The following ZAP70 variants were observed in gnomAD, a reference collection of about 807,000 sequenced individuals.
ZAP70 encodes the protein tyrosine-protein kinase ZAP-70.
In ZAP70, 27 loss-of-function variants were observed where a neutral mutation model predicts 65.8. The observed-to-expected ratio is 0.41, with a 90% confidence interval of 0.30 to 0.57. The LOEUF (loss-of-function observed/expected upper bound fraction) is 0.57. Ranked by LOEUF, ZAP70 falls within the 20% of genes least tolerant of loss-of-function variation. The probability of loss-of-function intolerance (pLI) is 0.28; values close to 1 mark genes in which losing one functional copy is unlikely to be tolerated. For missense variants in ZAP70, 696 were observed against 870.5 expected (o/e 0.80, Z 2.52); for synonymous variants, 363 against 360.8 (o/e 1.01, Z -0.07).
In ZAP70 at chr2:97,724,267, C is replaced by A; in HGVS notation, c.231C>A (p.His77Gln). Residue 77 changes from histidine to glutamine, a missense_variant, in exon 3 of 14, where the codon CAC (histidine) becomes CAA (glutamine). Physicochemically the swap from His to Gln is conservative, Grantham distance 24. This residue lies in a region of ZAP70 where 551 missense variants were observed against 630.0 expected (regional missense o/e 0.87). Transcript: ENST00000264972. ...ACGCCATTGCCGGCGGCAAAGCGCACTGTGGACCGGCAGAGCTCTGCGAGT... is the reference window on the plus strand; with the variant it reads ...ACGCCATTGCCGGCGGCAAAGCGCAATGTGGACCGGCAGAGCTCTGCGAGT... ...GTYAIAGGKAHCGPAELCEFY... is the reference protein window; with the variant it reads ...GTYAIAGGKAQCGPAELCEFY... 1 of 1,604,696 alleles carries A rather than the reference C, an allele frequency of 6.2e-7. No homozygotes were observed.
At chr2:97,755,739 C>T in the ZAP70 span, among the ~76,000 whole-genome samples, 17 of 152,244 alleles carry the variant, frequency 1.1e-4, no homozygotes, top group African/African-American at 4.1e-4. Flanking sequence ...CCCCTGCTGT[C>T]TTCCCTCTGT....
rs148511485 is a variant in ZAP70 at position 97,736,995 on chromosome 2, G to A, written c.1290-478G>A. 8.3e-4 allele frequency among the ~76,000 whole-genome samples: 127 copies of A among 152,218 alleles called. No homozygotes were observed. Among genetic ancestry groups the A allele is most frequent in the Admixed American group, 1.4e-3 (21 of 15,292 alleles). ...TGGGGGTCCAGGTGAGTGATGCTGC[G>A]GCTGCTTCCCGGTGGCAGAGGCAGA... On this transcript the variant is annotated intron_variant, in intron 10 of 13. Coordinates refer to ENST00000264972, the MANE Select transcript of ZAP70 (RefSeq NM_001079.4). The surrounding 1 kb of genome is among the most constrained non-coding windows in gnomAD (Gnocchi z 4.0).
intron 2 of ZAP70, 36 bp from the exon 3 acceptor site, chr2:97,723,980 G>A (rs898819799): frequency 6.5e-7 from 1 of 1,533,968 alleles, no homozygotes; most frequent in African/African-American, 1.4e-5. Context: ...GTTCAGGAAG[G>A]CCCTGACGTG....
intron 13 of ZAP70, chr2:97,738,372 A>C: frequency 5.6e-6 from 3 of 532,576 alleles, no homozygotes; most frequent in East Asian, 3.3e-5. Context: ...CACTCAACAC[A>C]TGGACCCTGC....
chr2:97,747,815 G>GGTTTT, the ZAP70 span, among the ~76,000 whole-genome samples: 1 of 54,792 alleles, frequency 1.8e-5, no homozygotes, highest in African/African-American at 8.8e-5. Context: ...CTGGCACGAG[G>GGTTTT]TTTTTTTTTT....
chr2:97,731,049 G>T lies in ZAP70; in HGVS notation c.564-1834G>T, dbSNP rs184655355. 6.9e-6 allele frequency among the ~76,000 whole-genome samples: 1 copy of T among 144,512 alleles called. No homozygotes were observed. The highest frequency in any genetic ancestry group is 1.5e-5 in the Non-Finnish European group (1 of 66,262). The allele number at this position is 144,512 out of a possible 152,430, so 94.8% of individuals were successfully genotyped here. A position where few individuals can be genotyped will look rare whatever the true frequency, so the allele number is the denominator to read the frequency against. On this transcript the variant is annotated intron_variant, in intron 4 of 13. Coordinates refer to ENST00000264972, the MANE Select transcript of ZAP70 (RefSeq NM_001079.4). The surrounding 1 kb of genome is among the most constrained non-coding windows in gnomAD (Gnocchi z 4.0). ...CAGCCCGGGCTGTGGAGCGAGACTC[G>T]GTCTCAAAAAAAAAAAAAAAAAAAA... is the stretch of plus-strand genomic sequence containing the variant.
intron 3 of ZAP70, chr2:97,724,818 C>T: frequency 6.6e-7 from 1 of 1,514,118 alleles, no homozygotes; most frequent in Non-Finnish European, 8.8e-7. Context: ...TCGTCCACAG[C>T]CTGAGTGACA....
the ZAP70 span, among the ~76,000 whole-genome samples, chr2:97,751,166 T>C: frequency 6.6e-6 from 1 of 152,350 alleles, no homozygotes; most frequent in African/African-American, 2.4e-5. Flanking sequence ...AAGCCTGACA[T>C]GGGCTAATAA....
chr2:97,751,358 T>C, the ZAP70 span, among the ~76,000 whole-genome samples: 1 of 152,162 alleles, frequency 6.6e-6, no homozygotes, highest in Non-Finnish European at 1.5e-5. Flanking sequence ...AATGTAATCA[T>C]GTAGAATCTA....
chr2:97,724,694 C>T lies in ZAP70; in HGVS notation c.402+256C>T, dbSNP rs1158450516. On this transcript the variant is annotated intron_variant, in intron 3 of 13. Coordinates refer to ENST00000264972, the MANE Select transcript of ZAP70 (RefSeq NM_001079.4). ...TATGCCAGATGGGAAGGTAGAGGGA[C>T]GCACTGGGCCGGGCGAAGGCGAGGC... 1.3e-6 allele frequency: 2 copies of T among 1,519,300 alleles called. 1 individual carries two copies. The highest frequency in any genetic ancestry group is 2.4e-5 in the South Asian group (2 of 83,060). 94.1% of individuals were successfully genotyped at this position (1,519,300 alleles called of 1,614,324 possible).
At position 97,739,366 on chromosome 2, in the gene ZAP70, G is replaced by C; in HGVS notation, c.1737-9G>C. Reference sequence around the variant, plus strand: ...GGTCAGCAGCCTGGATGTACCCCACGCCCCACAGGTGGGAGGATCGCCCCG... The same window carrying C: ...GGTCAGCAGCCTGGATGTACCCCACCCCCCACAGGTGGGAGGATCGCCCCG... On this transcript the variant is annotated splice_polypyrimidine_tract_variant and intron_variant, in intron 13 of 13. Coordinates refer to ENST00000264972, the MANE Select transcript of ZAP70 (RefSeq NM_001079.4). The C allele has an allele frequency of 6.2e-7, 1 of 1,613,182 alleles. No homozygotes were observed. The highest frequency in any genetic ancestry group is 1.1e-5 in the South Asian group (1 of 91,062).
chr2:97,720,419 G>A (rs1022651756), intron 2 of ZAP70, among the ~76,000 whole-genome samples: 4 of 152,074 alleles, frequency 2.6e-5, no homozygotes, highest in African/African-American at 9.7e-5. Context: ...TAATAGAGAC[G>A]GGGTTTCACC....
chr2:97,731,054 C>CAAAA lies in ZAP70; in HGVS notation c.564-1811_564-1808dup, dbSNP rs56688476. On this transcript the variant is annotated intron_variant, in intron 4 of 13. Transcript: ENST00000264972. The surrounding 1 kb of genome is among the most constrained non-coding windows in gnomAD (Gnocchi z 4.0). ...CGGGCTGTGGAGCGAGACTCGGTCT[C>CAAAA]AAAAAAAAAAAAAAAAAAAAAGAGA... Among the ~76,000 whole-genome samples, 111 of 52,424 alleles carry CAAAA rather than the reference C, an allele frequency of 2.1e-3. 1 individual carries two copies. The highest frequency in any genetic ancestry group is 4.2e-3 in the Non-Finnish European group (100 of 23,842). The allele number at this position is 52,424 out of a possible 152,430, so 34.4% of individuals were successfully genotyped here. A position where few individuals can be genotyped will look rare whatever the true frequency, so the allele number is the denominator to read the frequency against.
chr2:97,724,010 C>G lies in ZAP70; in HGVS notation c.-21-6C>G. ...GACGTGCCTCCGACCCTCTGTGAAC[C>G]CGCAGGTTTCGGGAGGCCCAGGGGC... On this transcript the variant is annotated splice_polypyrimidine_tract_variant and splice_region_variant and intron_variant, in intron 2 of 13. Coordinates refer to ENST00000264972, the MANE Select transcript of ZAP70 (RefSeq NM_001079.4). 1 of 1,541,956 alleles carries G rather than the reference C, an allele frequency of 6.5e-7. No individual in the cohort carries two copies. Among genetic ancestry groups the G allele is most frequent in the Non-Finnish European group, 8.7e-7 (1 of 1,150,492 alleles).
chr2:97,732,104 G>A (rs1344783818), intron 4 of ZAP70, among the ~76,000 whole-genome samples: 6 of 151,966 alleles, frequency 3.9e-5, no homozygotes, highest in Non-Finnish European at 8.8e-5. Flanking sequence ...CGGATGGGGG[G>A]ACAGTTTCTT....
intron 8 of ZAP70, 145 bp downstream of exon 8, chr2:97,733,740 G>A (rs1256124247): frequency 2.1e-6 from 2 of 941,698 alleles, no homozygotes; most frequent in Middle Eastern, 3.2e-4. Context: ...GTGCACACAT[G>A]TGCCCACACC....
At chr2:97,725,571 A>G (rs939366903) in intron 4 of ZAP70, among the ~76,000 whole-genome samples, 5 of 152,206 alleles carry the variant, frequency 3.3e-5, no homozygotes, top group African/African-American at 1.2e-4. Flanking sequence ...ACAAATATTT[A>G]CTGAATACCT....
the ZAP70 span, among the ~76,000 whole-genome samples, chr2:97,750,641 G>A: frequency 5.9e-4 from 90 of 152,348 alleles, no homozygotes; most frequent in African/African-American, 1.9e-3. Context: ...GGCCTAGAGC[G>A]CCTCCAGGTA....
the ZAP70 span, among the ~76,000 whole-genome samples, chr2:97,750,050 A>T: frequency 6.6e-6 from 1 of 152,218 alleles, no homozygotes; most frequent in East Asian, 1.9e-4. Flanking sequence ...GTTTCACACC[A>T]TCCTCCTGAG....
Sources: gnomAD v4.1 joint callset for allele counts (sites outside exome capture counted in the v4.1 genomes callset) on GRCh38, gnomAD v4.1.1 for gene constraint, gnomAD v4.1.1 regional missense constraint, Gnocchi (gnomAD v3.1) non-coding constraint, MANE v1.5 for transcripts, NCBI Gene and HGNC (gene_info 2026-07-23, HGNC 2026-07-21) for gene names.